The following TAOK2 variants were observed in gnomAD, a reference collection of about 807,000 sequenced individuals.
TAOK2 encodes the protein serine/threonine-protein kinase TAO2.
In TAOK2, 42 loss-of-function variants were observed where a neutral mutation model predicts 122.5. The observed-to-expected ratio is 0.34, with a 90% CI of 0.27 to 0.44. The LOEUF (loss-of-function observed/expected upper bound fraction) is 0.44, where lower values mean the gene tolerates loss of function less well. TAOK2 is among the 20% of genes least tolerant of loss of function. TAOK2 has a pLI of 1.00. For missense variants in TAOK2, 1,264 were observed against 1,644.9 expected (o/e 0.77, Z 4.01); for synonymous variants, 704 against 677.6 (o/e 1.04, Z -0.61).
Position 29,983,197 on chromosome 16 carries a change from A to G in TAOK2, c.1125A>G (p.Ser375=). ...CCGTCAACAGCCTAGCAGATGCCTC[A>G]GACAACGAGGAAGAGGAGGAGGAGG... ...SSSVNSLADA[S]DNEEEEEEEE... Residue 375 remains serine (S), a synonymous_variant, in exon 12 of 16, where the codon TCA becomes TCG. Coordinates refer to ENST00000308893, the MANE Select transcript of TAOK2 (RefSeq NM_016151.4). 1.2e-6 allele frequency: 2 copies of G among 1,614,014 alleles called. No individual in the cohort carries two copies. Among genetic ancestry groups the G allele is most frequent in the South Asian group, 1.1e-5 (1 of 91,070 alleles).
In TAOK2 at chr16:29,988,159, G is replaced by T; in HGVS notation, c.*179G>T. 1 of 1,433,090 alleles carries T rather than the reference G, an allele frequency of 7.0e-7. No individual in the cohort carries two copies. The highest frequency in any genetic ancestry group is 9.1e-7 in the Non-Finnish European group (1 of 1,098,876). 88.8% of individuals were successfully genotyped at this position (1,433,090 alleles called of 1,614,324 possible). ...GCAGCCTCCTCAGCTGTGGAGTCCAGCAGTCACTCTGTGTTCTCCTGGCGC... is the reference window on the plus strand; with the variant it reads ...GCAGCCTCCTCAGCTGTGGAGTCCATCAGTCACTCTGTGTTCTCCTGGCGC... On this transcript the variant is annotated 3_prime_UTR_variant, in exon 16 of 16. Transcript: ENST00000308893.
chr16:29,985,976 C>A lies in TAOK2; in HGVS notation c.1992+115C>A, dbSNP rs568222632. 2.3e-6 allele frequency: 3 copies of A among 1,316,886 alleles called. No individual in the cohort carries two copies. Among genetic ancestry groups the A allele is most frequent in the Non-Finnish European group, 3.1e-6 (3 of 958,478 alleles). The allele number at this position is 1,316,886 out of a possible 1,614,324, so 81.6% of individuals were successfully genotyped here. ...TCCTTGGCCCTCGAGTGTTACAGTT[C>A]AGCTTTGCTTCAGTGCCCCTTTTAC... On this transcript the variant is annotated intron_variant, in intron 15 of 15. Coordinates refer to ENST00000308893, the MANE Select transcript of TAOK2 (RefSeq NM_016151.4). This position sits in a 1 kb window ranked among gnomAD's most constrained non-coding sequence, Gnocchi z 6.9.
chr16:29,991,897 A>G (rs1390125210), downstream of TAOK2: 15 of 231,072 alleles, frequency 6.5e-5, no homozygotes, highest in East Asian at 1.3e-3. The surrounding 1 kb of genome is among the most constrained non-coding windows in gnomAD (Gnocchi z 5.6). Flanking sequence ...TAGACATACT[A>G]TATTCAGAGA....
chr16:29,984,892 A>G (rs1478397531), intron 13 of TAOK2, among the ~76,000 whole-genome samples: 2 of 152,190 alleles, frequency 1.3e-5, no homozygotes, highest in African/African-American at 2.4e-5. Context: ...TTGAGATCAC[A>G]TGCTTGGTAA....
downstream of TAOK2, chr16:29,990,051 G>C (rs1596623492): frequency 4.4e-6 from 2 of 453,468 alleles, no homozygotes; most frequent in East Asian, 7.8e-5. Flanking sequence ...GAACCACCAA[G>C]GAAAAGAGTG....
Position 29,985,786 on chromosome 16 carries a change from T to C in TAOK2, c.1917T>C (p.Phe639=). The C allele has an allele frequency of 6.2e-7, 1 of 1,611,738 alleles. No individual in the cohort carries two copies. The highest frequency in any genetic ancestry group is 8.5e-7 in the Non-Finnish European group (1 of 1,179,858). ...TGCTGCGGCGGCAGCGCCAGTACTT[T>C]GAGCTGCAGTGTCGCCAGTACAAGC... The part of the protein sequence containing the change: ...AGLLRRQRQY[F]ELQCRQYKRK... The change falls in exon 15 of 16, where the codon TTT becomes TTC. Residue 639 remains phenylalanine (F), a synonymous_variant. Coordinates refer to ENST00000308893, the MANE Select transcript of TAOK2 (RefSeq NM_016151.4). This position sits in a 1 kb window ranked among gnomAD's most constrained non-coding sequence, Gnocchi z 6.9.
rs1236066028 is a variant in TAOK2 at position 29,986,391 on chromosome 16, C to T, written c.2119C>T (p.Arg707Cys). ...AVQRTRAELT[R>C]LQHQTELGNQ... ...GCAGCGCACGCGGGCTGAGCTCACC[C>T]GCCTGCAGCACCAGACGGAGCTGGG... The change falls in exon 16 of 16, where the codon CGC (arginine) becomes TGC (cysteine). Residue 707 changes from arginine (R) to cysteine (C), a missense_variant. Arg to Cys is a radical substitution (Grantham distance 180). Around this residue, in one of 4 missense-constraint regions of TAOK2, gnomAD observed 824 missense variants for 908.7 expected, o/e 0.91. Coordinates refer to ENST00000308893, the MANE Select transcript of TAOK2 (RefSeq NM_016151.4). The surrounding 1 kb of genome is among the most constrained non-coding windows in gnomAD (Gnocchi z 4.2). The T allele has an allele frequency of 1.2e-5, 20 of 1,610,900 alleles. No individual in the cohort carries two copies. Among genetic ancestry groups the T allele is most frequent in the Admixed American group, 6.7e-5 (4 of 59,720 alleles).
In TAOK2 at chr16:29,981,909, A is replaced by G. The variant is rs1298907781; in HGVS notation, c.800A>G (p.Gln267Arg). ...GACTCCTGTCTTCAGAAAATCCCTC[A>G]AGACAGACCAACCTCAGAGGTTCTC... The part of the protein sequence containing the change: ...FVDSCLQKIP[Q>R]DRPTSEVLLK... The change falls in exon 10 of 16, where the codon CAA (glutamine) becomes CGA (arginine). Residue 267 changes from glutamine (Q) to arginine (R), a missense_variant. Transcript: ENST00000308893. 1.9e-6 allele frequency: 3 copies of G among 1,613,796 alleles called. No homozygotes were observed. Among genetic ancestry groups the G allele is most frequent in the South Asian group, 2.2e-5 (2 of 91,064 alleles).
chr16:29,990,924 G>A (rs921701669), downstream of TAOK2: 2 of 1,613,314 alleles, frequency 1.2e-6, no homozygotes, highest in African/African-American at 2.7e-5. Context: ...TGCGGGAGCT[G>A]GAGCAGAGGG....
Position 29,985,470 on chromosome 16 carries a change from G to A in TAOK2, c.1680G>A (p.Glu560=), listed in dbSNP as rs2069756251. The change falls in exon 14 of 16, where the codon GAG becomes GAA. Residue 560 remains glutamate, a synonymous_variant. Coordinates refer to ENST00000308893, the MANE Select transcript of TAOK2 (RefSeq NM_016151.4). The surrounding 1 kb of genome is among the most constrained non-coding windows in gnomAD (Gnocchi z 6.9). ...AGGAGGCACGAGCTGCCCAGGCCGA[G>A]GAGCGGAAGTTCCAGCAGCACATCC... ...GEKEARAAQA[E]ERKFQQHILG... is the part of the protein sequence containing the mutation. 1.2e-6 allele frequency: 2 copies of A among 1,612,840 alleles called. No individual in the cohort carries two copies. The highest frequency in any genetic ancestry group is 1.7e-6 in the Non-Finnish European group (2 of 1,179,604).
chr16:29,983,284 G>T lies in TAOK2; in HGVS notation c.1212G>T (p.Glu404Asp). Residue 404 changes from glutamate to aspartate, a missense_variant, in exon 12 of 16, where the codon GAG (glutamate) becomes GAT (aspartate). Coordinates refer to ENST00000308893, the MANE Select transcript of TAOK2 (RefSeq NM_016151.4). ...PEAREMAMMQ[E>D]GEHTVTSHSS... ...CCCGGGAGATGGCCATGATGCAGGAGGGGGAGCACACAGTCACCTCTCACA... is the reference window on the plus strand; with the variant it reads ...CCCGGGAGATGGCCATGATGCAGGATGGGGAGCACACAGTCACCTCTCACA... The T allele has an allele frequency of 1.9e-6, 3 of 1,604,612 alleles. No individual in the cohort carries two copies. The highest frequency in any genetic ancestry group is 2.5e-6 in the Non-Finnish European group (3 of 1,179,790).
chr16:29,989,029 C>T (rs1448545735), downstream of TAOK2: 33 of 985,246 alleles, frequency 3.3e-5, no homozygotes, highest in South Asian at 4.7e-5. Flanking sequence ...TTTCTCAGCT[C>T]GGTGCTTCTC....
intron 1 of TAOK2, among the ~76,000 whole-genome samples, chr16:29,975,066 G>A (rs545093942): frequency 1.3e-5 from 2 of 152,144 alleles, no homozygotes; most frequent in Admixed American, 1.3e-4. Context: ...TTTCAGGCCT[G>A]GTCTGGTTGG....
rs1467139496 is a variant in TAOK2 at position 29,987,405 on chromosome 16, C to G, written c.3133C>G (p.Leu1045Val). ...RRGLMGVPLG[L>V]GAAWLLAWPG... ...AGGCCTCATGGGTGTTCCCCTGGGC[C>G]TTGGAGCTGCCTGGCTCTTAGCTTG... The change falls in exon 16 of 16, where the codon CTT (leucine) becomes GTT (valine). Residue 1045 changes from leucine (L) to valine (V), a missense_variant. Coordinates refer to ENST00000308893, the MANE Select transcript of TAOK2 (RefSeq NM_016151.4). The G allele has an allele frequency of 6.2e-7, 1 of 1,606,904 alleles. No individual in the cohort carries two copies. The highest frequency in any genetic ancestry group is 8.5e-7 in the Non-Finnish European group (1 of 1,175,322).
At chr16:29,984,796 C>A (rs2069730422) in intron 13 of TAOK2, among the ~76,000 whole-genome samples, 1 of 152,100 alleles carries the variant, frequency 6.6e-6, no homozygotes, top group Non-Finnish European at 1.5e-5. Context: ...TAGATAGAGT[C>A]CGAACTTACC....
chr16:29,979,222 G>C lies in TAOK2; in HGVS notation c.477G>C (p.Leu159=). ...HRDVKAGNIL[L]SEPGLVKLGD... ...ATGTGAAGGCTGGAAACATCCTGCT[G>C]TCAGAGCCAGGGTTAGTGAAGCTAG... Residue 159 remains leucine, a synonymous_variant, in exon 7 of 16, where the codon CTG becomes CTC. Transcript: ENST00000308893. This position sits in a 1 kb window ranked among gnomAD's most constrained non-coding sequence, Gnocchi z 4.1. 1 of 1,614,220 alleles carries C rather than the reference G, an allele frequency of 6.2e-7. No homozygotes were observed. The highest frequency in any genetic ancestry group is 1.3e-5 in the African/African-American group (1 of 75,050).
At chr16:29,991,660 T>TA (rs1202407763), downstream of TAOK2, 1 of 1,370,862 alleles carries the variant, frequency 7.3e-7, no homozygotes, top group Non-Finnish European at 9.5e-7. The surrounding 1 kb of genome is among the most constrained non-coding windows in gnomAD (Gnocchi z 5.6). Flanking sequence ...CCTGCAAGGG[T>TA]AGGGGACAAG....
downstream of TAOK2, chr16:29,989,594 C>A: frequency 6.2e-7 from 1 of 1,613,952 alleles, no homozygotes; most frequent in Middle Eastern, 1.7e-4. Context: ...ACTGCATAGT[C>A]TAAGGAGCTG....
chr16:29,988,270 G>T lies in TAOK2; in HGVS notation c.*290G>T. The T allele has an allele frequency of 6.8e-7, 1 of 1,470,952 alleles. No homozygotes were observed. The highest frequency in any genetic ancestry group is 9.0e-7 in the Non-Finnish European group (1 of 1,113,806). The allele number at this position is 1,470,952 out of a possible 1,614,324, so 91.1% of individuals were successfully genotyped here. ...CAGGCCTGGGGCCAGGGGTGGTGGAGGGTGGGAAGAGTCATGTTTTTTTTC... is the reference window on the plus strand; with the variant it reads ...CAGGCCTGGGGCCAGGGGTGGTGGATGGTGGGAAGAGTCATGTTTTTTTTC... On this transcript the variant is annotated 3_prime_UTR_variant, in exon 16 of 16. Transcript: ENST00000308893.
Sources: gnomAD v4.1 joint callset for allele counts (sites outside exome capture counted in the v4.1 genomes callset) on GRCh38, gnomAD v4.1.1 for gene constraint, gnomAD v4.1.1 regional missense constraint, Gnocchi (gnomAD v3.1) non-coding constraint, MANE v1.5 for transcripts, NCBI Gene and HGNC (gene_info 2026-07-23, HGNC 2026-07-21) for gene names.